Variants in COL3A1 observed in about 807,000 individuals in gnomAD.
COL3A1 encodes collagen type III alpha 1 chain, also known as collagen alpha-1(III) chain.
In COL3A1, 46 loss-of-function variants were observed where a neutral mutation model predicts 200.9. The observed-to-expected ratio is 0.23, with a 90% CI of 0.18 to 0.29. The LOEUF is 0.29. Among genes scored for constraint, COL3A1 ranks in the 10% least tolerant of loss-of-function variants. The pLI is 1.00. For missense variants in COL3A1, 1,367 were observed against 1,917.6 expected, an observed-to-expected ratio of 0.71 and a Z score of 5.36; for synonymous variants, 650 against 628.0, an observed-to-expected ratio of 1.03 and a Z score of -0.52.
chr2:188,993,949 C>G (rs548963200), intron 16 of COL3A1, 89 bp from the exon 17 acceptor site: 1 of 1,228,918 alleles, frequency 8.1e-7, no homozygotes, highest in African/African-American at 1.5e-5. Context: ...TAACACTCAT[C>G]GATACATTTA....
chr2:189,006,448 A>G lies in COL3A1; in HGVS notation c.3197A>G (p.Glu1066Gly), dbSNP rs569032497. The change falls in exon 43 of 51, where the codon GAA becomes GGA. Residue 1066 changes from glutamate to glycine, a missense_variant. Glu to Gly is a moderately conservative substitution (Grantham distance 98). Around this residue, in one of 5 missense-constraint regions of COL3A1, gnomAD observed 846 missense variants for 1,147.9 expected, o/e 0.74. Coordinates refer to ENST00000304636, the MANE Select transcript of COL3A1 (RefSeq NM_000090.4). ...GPAGKSGDRG[E>G]SGPAGPAGAP... Reference sequence around the variant, plus strand: ...GCTGGAAAGAGTGGTGACAGAGGAGAAAGTGTGAGTTCCCAAAAGCAGCAT... The same window carrying G: ...GCTGGAAAGAGTGGTGACAGAGGAGGAAGTGTGAGTTCCCAAAAGCAGCAT... 3.7e-6 allele frequency: 6 copies of G among 1,613,758 alleles called. No individual in the cohort carries two copies. Among genetic ancestry groups the G allele is most frequent in the Admixed American group, 1.7e-5 (1 of 59,990 alleles).
intron 47 of COL3A1, 97 bp downstream of exon 47, chr2:189,008,239 C>A: frequency 1.0e-6 from 1 of 982,598 alleles, no homozygotes; most frequent in East Asian, 2.6e-5. Flanking sequence ...TAGAGAGACG[C>A]AATGCATCCA....
At chr2:189,009,893 T>A (rs917118405) in intron 48 of COL3A1, among the ~76,000 whole-genome samples, 5 of 152,196 alleles carry the variant, frequency 3.3e-5, no homozygotes, top group African/African-American at 9.7e-5. Context: ...CATCTTTTTT[T>A]AAAGGAGAGA....
rs537892345 is a variant in COL3A1 at position 189,009,232 on chromosome 2, T to C, written c.3823+11T>C. ...CTGAACTCAAGAGTGGTATGTTTGG[T>C]AGTCTTTCATCTTCATGGCAATAGG... is the stretch of plus-strand genomic sequence containing the variant. On this transcript the variant is annotated intron_variant, in intron 48 of 50. Transcript: ENST00000304636. 5 of 1,614,050 alleles carry C rather than the reference T, an allele frequency of 3.1e-6. No homozygotes were observed. The African/African-American group carries it at 6.7e-5, about 22-fold the overall frequency.
chr2:188,999,876 C>A lies in COL3A1; in HGVS notation c.2264C>A (p.Pro755Gln), dbSNP rs1553508711. The part of the protein sequence containing the change: ...EPGGPGADGV[P>Q]GKDGPRGPTG... ...GGCGGTCCAGGTGCTGATGGTGTCC[C>A]AGGGAAAGATGGCCCAAGGGTGAGT... Residue 755 changes from proline (P) to glutamine (Q), a missense_variant, in exon 32 of 51, where the codon CCA becomes CAA. Coordinates refer to ENST00000304636, the MANE Select transcript of COL3A1 (RefSeq NM_000090.4). 29 of 1,593,608 alleles carry A rather than the reference C, an allele frequency of 1.8e-5. No homozygotes were observed. The highest frequency in any genetic ancestry group is 2.5e-5 in the Non-Finnish European group (29 of 1,171,150).
Position 188,984,873 on chromosome 2 carries a change from A to T in COL3A1, c.193A>T (p.Ile65Leu). ...CDSGSVLCDD[I>L]ICDDQELDCP... ...CTCAGGATCCGTTCTCTGCGATGAC[A>T]TAATATGTGACGATCAAGAATTAGA... Residue 65 changes from isoleucine to leucine, a missense_variant, in exon 2 of 51, where the codon ATA becomes TTA. Coordinates refer to ENST00000304636, the MANE Select transcript of COL3A1 (RefSeq NM_000090.4). The T allele has an allele frequency of 1.2e-6, 2 of 1,613,262 alleles. No individual in the cohort carries two copies. Among genetic ancestry groups the T allele is most frequent in the Non-Finnish European group, 1.7e-6 (2 of 1,179,440 alleles).
chr2:189,008,877 G>T (rs778250328), intron 47 of COL3A1, 47 bp from the exon 48 acceptor site: 13 of 1,573,634 alleles, frequency 8.3e-6, no homozygotes, highest in African/African-American at 1.4e-5. Flanking sequence ...TCTTAGAGTG[G>T]CGACTGAATG....
chr2:188,991,602 T>TC, intron 12 of COL3A1, 67 bp from the exon 13 acceptor site: 2 of 1,607,908 alleles, frequency 1.2e-6, no homozygotes, highest in Non-Finnish European at 1.7e-6. Flanking sequence ...CTGGCTTTGC[T>TC]CCCACCCCAA....
chr2:188,999,671 A>G, intron 31 of COL3A1, 94 bp downstream of exon 31: 1 of 1,436,744 alleles, frequency 7.0e-7, no homozygotes, highest in Middle Eastern at 1.7e-4. Flanking sequence ...CTGTATTTTC[A>G]AAATTAATGT....
At chr2:188,992,812 G>A in intron 14 of COL3A1, 75 bp from the exon 15 acceptor site, 1 of 1,113,860 alleles carries the variant, frequency 9.0e-7, no homozygotes, top group Non-Finnish European at 1.4e-6. Context: ...CTTTATATGT[G>A]CTCACTTATT....
intron 1 of COL3A1, 91 bp from the exon 2 acceptor site, chr2:188,984,669 T>G (rs1041637996): frequency 3.6e-6 from 4 of 1,098,056 alleles, no homozygotes; most frequent in Admixed American, 3.5e-5. Flanking sequence ...CCTTTTCAAC[T>G]TTGGCTATTG....
rs192392425 is a variant in COL3A1 at position 188,994,955 on chromosome 2, A to G, written c.1456-91A>G. 63 of 1,551,720 alleles carry G rather than the reference A, an allele frequency of 4.1e-5. 1 individual carries two copies. The Middle Eastern group carries it at 7.1e-4, about 17-fold the overall frequency. ...GTTCAGTGAAAATATTGTTTAAAGCATTCTATGACATAAAAATATTTGCCA... is the reference window on the plus strand; with the variant it reads ...GTTCAGTGAAAATATTGTTTAAAGCGTTCTATGACATAAAAATATTTGCCA... On this transcript the variant is annotated intron_variant, in intron 20 of 50. Transcript: ENST00000304636. This position sits in a 1 kb window ranked among gnomAD's most constrained non-coding sequence, Gnocchi z 4.5.
At chr2:188,996,517 C>A in intron 24 of COL3A1, 21 bp downstream of exon 24, 1 of 1,592,390 alleles carries the variant, frequency 6.3e-7, no homozygotes, top group Non-Finnish European at 8.6e-7. Flanking sequence ...TCATTAATTT[C>A]TTCAATAAAT....
At chr2:188,974,609 G>T (rs565808517) in intron 1 of COL3A1, 41 bp downstream of exon 1, 3 of 1,533,856 alleles carry the variant, frequency 2.0e-6, no homozygotes, top group Admixed American at 1.7e-5. Context: ...TGGGATTTTT[G>T]TCTTTCTTCT....
At chr2:188,990,546 A>G (rs555144102) in intron 10 of COL3A1, among the ~76,000 whole-genome samples, 186 bp downstream of exon 10, 4 of 152,300 alleles carry the variant, frequency 2.6e-5, no homozygotes, top group African/African-American at 9.6e-5. Context: ...AAAGGAGTTG[A>G]TTTCTAGTGT....
intron 37 of COL3A1, 67 bp downstream of exon 37, chr2:189,003,531 A>G (rs1255145067): frequency 6.7e-7 from 1 of 1,484,932 alleles, no homozygotes. Context: ...TAAAAGCTGC[A>G]TTTGAGACAC....
rs781061046 is a variant in COL3A1, at chr2:189,008,161, G to C, written c.3525+19G>C. ...ATCTGAGGTAAGACATCACTTATACGTATGTGTATTTAATTTGCTACAATC... is the reference window on the plus strand; with the variant it reads ...ATCTGAGGTAAGACATCACTTATACCTATGTGTATTTAATTTGCTACAATC... On this transcript the variant is annotated intron_variant, in intron 47 of 50. Coordinates refer to ENST00000304636, the MANE Select transcript of COL3A1 (RefSeq NM_000090.4). The C allele has an allele frequency of 5.2e-6, 8 of 1,533,894 alleles. No homozygotes were observed. The South Asian group carries it at 8.0e-5, about 15-fold the overall frequency.
chr2:188,986,931 T>C (rs1688075588), intron 4 of COL3A1, 128 bp from the exon 5 acceptor site: 1 of 766,670 alleles, frequency 1.3e-6, no homozygotes, highest in African/African-American at 1.7e-5. Context: ...AGTGAATACA[T>C]ACCACATCTT....
rs760533485 is a variant in COL3A1, at chr2:189,008,024, T to TA, written c.3418-10dup. On this transcript the variant is annotated splice_polypyrimidine_tract_variant and intron_variant, in intron 46 of 50. Transcript: ENST00000304636. ...ATATTCTGGCATTGTGATGTCATGA[T>TA]ACTTTCTTAGGGACCTGTTGGACCC... is the stretch of plus-strand genomic sequence containing the variant. 1 of 1,614,122 alleles carries TA rather than the reference T, an allele frequency of 6.2e-7. No homozygotes were observed. The highest frequency in any genetic ancestry group is 1.1e-5 in the South Asian group (1 of 91,076).
Sources: gnomAD v4.1 joint callset for allele counts (sites outside exome capture counted in the v4.1 genomes callset) on GRCh38, gnomAD v4.1.1 for gene constraint, gnomAD v4.1.1 regional missense constraint, Gnocchi (gnomAD v3.1) non-coding constraint, MANE v1.5 for transcripts, NCBI Gene and HGNC (gene_info 2026-07-23, HGNC 2026-07-21) for gene names.